The following SLC38A6 variants were observed in gnomAD, a reference collection of about 807,000 sequenced individuals.
The protein encoded by SLC38A6 is solute carrier family 38 member 6.
A neutral mutation model predicts 65.0 loss-of-function variants in SLC38A6; 73 were observed. The observed-to-expected ratio is 1.12, with a 90% CI of 0.93 to 1.37. The LOEUF (loss-of-function observed/expected upper bound fraction) is 1.37. Among genes scored for constraint, SLC38A6 ranks in the 40% most tolerant of loss-of-function variants. The probability of loss-of-function intolerance (pLI) is 0.00; values close to 1 mark genes in which losing one functional copy is unlikely to be tolerated. For synonymous variants in SLC38A6, 183 were observed against 178.8 expected, an observed-to-expected ratio of 1.02 and a Z score of -0.19; for missense variants, 561 against 531.1, an observed-to-expected ratio of 1.06 and a Z score of -0.55.
chr14:61,005,845 A>G (rs1322357054), intron 3 of SLC38A6, among the ~76,000 whole-genome samples: 2 of 152,320 alleles, frequency 1.3e-5, no homozygotes, highest in Admixed American at 6.5e-5. Flanking sequence ...TTCATATGGA[A>G]CCAAAAAAGA....
At chr14:61,027,000 A>G (rs1476371165) in intron 5 of SLC38A6, among the ~76,000 whole-genome samples, 2 of 152,062 alleles carry the variant, frequency 1.3e-5, no homozygotes, top group Non-Finnish European at 2.9e-5. Flanking sequence ...ATTTCACTTT[A>G]TAATTAGATC....
chr14:61,009,477 G>A (rs953813388), intron 3 of SLC38A6, among the ~76,000 whole-genome samples: 2 of 152,066 alleles, frequency 1.3e-5, no homozygotes, highest in African/African-American at 4.8e-5. Flanking sequence ...ATGTTGGCGT[G>A]CCGCACCCAT....
At chr14:61,029,155 CTTT>C (rs111427405) in intron 5 of SLC38A6, among the ~76,000 whole-genome samples, 7 of 130,322 alleles carry the variant, frequency 5.4e-5, no homozygotes, top group Admixed American at 7.8e-5. Context: ...ACTCTTTATT[CTTT>C]TTTTTTTTTT....
intron 8 of SLC38A6, among the ~76,000 whole-genome samples, chr14:61,038,986 A>G (rs2041596723): frequency 6.6e-6 from 1 of 152,240 alleles, no homozygotes; most frequent in African/African-American, 2.4e-5. Flanking sequence ...CTACATATGC[A>G]AATGAATGTA....
intron 5 of SLC38A6, among the ~76,000 whole-genome samples, chr14:61,028,977 T>C (rs930034655): frequency 1.2e-4 from 18 of 152,130 alleles, no homozygotes; most frequent in African/African-American, 3.6e-4. Flanking sequence ...TTGAGAAATA[T>C]ACATTCTTCT....
At chr14:61,035,628 G>A (rs1408688669) in intron 6 of SLC38A6, among the ~76,000 whole-genome samples, 2 of 152,134 alleles carry the variant, frequency 1.3e-5, no homozygotes, top group Non-Finnish European at 2.9e-5. Flanking sequence ...AGCAATGTAT[G>A]AAGTCCAGTT....
At chr14:61,075,513 T>G (rs903205768) in intron 15 of SLC38A6, among the ~76,000 whole-genome samples, 1 of 152,188 alleles carries the variant, frequency 6.6e-6, no homozygotes, top group East Asian at 1.9e-4. Context: ...CAAAGTGTAT[T>G]GAACTTTCCT....
intron 15 of SLC38A6, among the ~76,000 whole-genome samples, chr14:61,057,870 T>C (rs1474482726): frequency 1.5e-5 from 2 of 131,060 alleles, no homozygotes; most frequent in African/African-American, 5.9e-5. Context: ...TGTCGAGGAA[T>C]GTATCCATTT....
chr14:60,993,229 G>C (rs1267405860), intron 3 of SLC38A6, among the ~76,000 whole-genome samples: 1 of 152,150 alleles, frequency 6.6e-6, no homozygotes, highest in African/African-American at 2.4e-5. Flanking sequence ...GCAATGTGAG[G>C]TAGAAATTGT....
intron 15 of SLC38A6, among the ~76,000 whole-genome samples, chr14:61,075,823 G>GTGTA (rs1555362475): frequency 3.0e-3 from 425 of 143,232 alleles, no homozygotes; most frequent in Admixed American, 6.1e-3. Context: ...GTGTGTGTGT[G>GTGTA]TGTGTGTGTA....
chr14:61,066,982 T>C (rs1566727938), intron 15 of SLC38A6, among the ~76,000 whole-genome samples: 1 of 152,206 alleles, frequency 6.6e-6, no homozygotes, highest in Non-Finnish European at 1.5e-5. Context: ...ATGTAAGACA[T>C]ACATACATCT....
chr14:61,072,032 T>G (rs2043245370), intron 15 of SLC38A6, among the ~76,000 whole-genome samples: 1 of 152,112 alleles, frequency 6.6e-6, no homozygotes, highest in South Asian at 2.1e-4. Context: ...CTTAGTCTAT[T>G]TTGTGTTGCT....
chr14:61,078,599 C>G (rs2043513897), intron 15 of SLC38A6, among the ~76,000 whole-genome samples: 1 of 151,994 alleles, frequency 6.6e-6, no homozygotes, highest in Non-Finnish European at 1.5e-5. Context: ...GCACTTTAGG[C>G]CTTCAAGGGC....
chr14:61,052,702 C>T (rs1007313775), downstream of SLC38A6: 3 of 241,972 alleles, frequency 1.2e-5, no homozygotes, highest in Admixed American at 5.8e-5. Context: ...AAATACTGAA[C>T]AGAAAGTACA....
intron 6 of SLC38A6, among the ~76,000 whole-genome samples, chr14:61,034,939 C>T (rs936175722): frequency 5.9e-5 from 9 of 152,154 alleles, no homozygotes; most frequent in Non-Finnish European, 1.0e-4. Context: ...AAGTTGTCAG[C>T]ACCCAACAGT....
chr14:61,009,419 G>T (rs2039385925), intron 3 of SLC38A6, among the ~76,000 whole-genome samples: 1 of 151,994 alleles, frequency 6.6e-6, no homozygotes, highest in Non-Finnish European at 1.5e-5. Flanking sequence ...TAAGTTCTAG[G>T]GTACATGTAC....
chr14:61,025,953 T>C (rs2040587907), intron 5 of SLC38A6, among the ~76,000 whole-genome samples: 1 of 152,188 alleles, frequency 6.6e-6, no homozygotes, highest in African/African-American at 2.4e-5. Context: ...CCGTAGCACA[T>C]CCGTTTGTTT....
rs1344197172 is a variant in SLC38A6, at chr14:60,996,511, A to G, written c.310+11708A>G. On this transcript the variant is annotated intron_variant, in intron 3 of 15. Coordinates refer to ENST00000267488, the MANE Select transcript of SLC38A6 (RefSeq NM_153811.3). ...AGAAGATCAGTCCAGGAAGTCCAAC[A>G]TGCAAATAATAGAAATTCTGCAACA... Among the ~76,000 whole-genome samples the G allele has an allele frequency of 3.3e-5, 5 of 152,138 alleles. No homozygotes were observed. In the East Asian group the frequency reaches 9.6e-4, roughly 29 times the overall value.
chr14:61,030,625 T>C (rs1035031240), intron 6 of SLC38A6, 102 bp downstream of exon 6: 20 of 759,228 alleles, frequency 2.6e-5, no homozygotes, highest in Admixed American at 7.4e-5. Context: ...AAAATAAATG[T>C]AGTCCTTGCC....
Sources: gnomAD v4.1 joint callset for allele counts (sites outside exome capture counted in the v4.1 genomes callset) on GRCh38, gnomAD v4.1.1 for gene constraint, MANE v1.5 for transcripts, NCBI Gene and HGNC (gene_info 2026-07-23, HGNC 2026-07-21) for gene names.